Variants in CALD1 observed in about 807,000 individuals in gnomAD.
CALD1 encodes the protein caldesmon.
A neutral mutation model predicts 99.9 loss-of-function variants in CALD1; 33 were observed. The ratio of observed to expected loss-of-function variants is 0.33; its 90% CI spans 0.25 to 0.44. The LOEUF (loss-of-function observed/expected upper bound fraction) is 0.44. Among genes scored for constraint, CALD1 ranks in the 20% least tolerant of loss-of-function variants. The pLI is 1.00. For missense variants in CALD1, 861 were observed against 962.1 expected (o/e 0.89, Z 1.39); for synonymous variants, 310 against 325.0 (o/e 0.95, Z 0.50).
rs771043339 is a variant in CALD1 at position 134,969,551 on chromosome 7, T to C, written c.*1206T>C. 1.3e-5 allele frequency: 2 copies of C among 152,240 alleles called. No individual in the cohort carries two copies. Among genetic ancestry groups the C allele is most frequent in the African/African-American group, 2.4e-5 (1 of 41,456 alleles). 9.4% of individuals were successfully genotyped at this position (152,240 alleles called of 1,614,324 possible). ...GGCTAAATGTCTAGAAGCAGAGAAGTAAAGTGAGCAAAATCCAGTGTTGAG... is the reference window on the plus strand; with the variant it reads ...GGCTAAATGTCTAGAAGCAGAGAAGCAAAGTGAGCAAAATCCAGTGTTGAG... On this transcript the variant is annotated 3_prime_UTR_variant, in exon 15 of 15. Coordinates refer to ENST00000361675, the MANE Select transcript of CALD1 (RefSeq NM_033138.4).
intron 1 of CALD1, among the ~76,000 whole-genome samples, chr7:134,747,030 A>ACT (rs1297983847): frequency 1.1e-5 from 1 of 87,054 alleles, no homozygotes; most frequent in Non-Finnish European, 2.3e-5. Flanking sequence ...ATTTTAGAAG[A>ACT]CTTAGTCTAT....
intron 1 of CALD1, among the ~76,000 whole-genome samples, chr7:134,834,812 C>T (rs559120338): frequency 6.6e-6 from 1 of 152,332 alleles, no homozygotes; most frequent in South Asian, 2.1e-4. Flanking sequence ...ACATTCCAGA[C>T]ATTTCAGTGC....
intron 1 of CALD1, among the ~76,000 whole-genome samples, chr7:134,756,088 A>C (rs551710805): frequency 6.6e-6 from 1 of 151,920 alleles, no homozygotes; most frequent in Admixed American, 6.6e-5. Flanking sequence ...ACAGGGTTTC[A>C]CTATGTTGGC....
chr7:134,722,103 G>A, the CALD1 span, among the ~76,000 whole-genome samples: 2 of 152,102 alleles, frequency 1.3e-5, no homozygotes, highest in African/African-American at 2.4e-5. Flanking sequence ...ATCCTAACAC[G>A]TGGAAGTCTT....
intron 9 of CALD1, among the ~76,000 whole-genome samples, chr7:134,954,272 T>C (rs1399468706): frequency 2.0e-5 from 3 of 152,214 alleles, no homozygotes; most frequent in Non-Finnish European, 4.4e-5. Flanking sequence ...GTAAATTAAA[T>C]TCAAAGATTT....
intron 1 of CALD1, among the ~76,000 whole-genome samples, chr7:134,747,334 T>C (rs1021869752): frequency 1.2e-4 from 19 of 152,192 alleles, no homozygotes; most frequent in African/African-American, 3.9e-4. Context: ...AAGATGCACA[T>C]GGAGCCAGGA....
intron 9 of CALD1, among the ~76,000 whole-genome samples, chr7:134,957,460 C>T (rs996184862): frequency 1.3e-5 from 2 of 152,124 alleles, no homozygotes; most frequent in Admixed American, 1.3e-4. Context: ...CACTCTGTCA[C>T]CCAGGCTGGA....
At chr7:134,935,843 A>T in intron 6 of CALD1, 78 bp downstream of exon 6, 1 of 1,420,132 alleles carries the variant, frequency 7.0e-7, no homozygotes, top group Non-Finnish European at 9.5e-7. Context: ...AGGTCTGATG[A>T]TCTCAAAATT....
chr7:134,796,408 A>C (rs947740826), intron 1 of CALD1, among the ~76,000 whole-genome samples: 1 of 152,170 alleles, frequency 6.6e-6, no homozygotes, highest in East Asian at 1.9e-4. Flanking sequence ...TTGAAATATG[A>C]AGACTTTTCC....
intron 1 of CALD1, among the ~76,000 whole-genome samples, chr7:134,773,542 G>A (rs1796893794): frequency 6.6e-6 from 1 of 151,996 alleles, no homozygotes; most frequent in African/African-American, 2.4e-5. Flanking sequence ...TGGGATTACA[G>A]GCATGAACCA....
chr7:134,857,798 T>C (rs1449278965), intron 2 of CALD1, among the ~76,000 whole-genome samples: 2 of 152,148 alleles, frequency 1.3e-5, no homozygotes, highest in Non-Finnish European at 2.9e-5. Flanking sequence ...TAAACACACT[T>C]GATGATCATG....
chr7:134,808,824 C>A (rs764396754), intron 1 of CALD1, among the ~76,000 whole-genome samples: 1 of 152,158 alleles, frequency 6.6e-6, no homozygotes, highest in Admixed American at 6.6e-5. Flanking sequence ...CATATGCTAA[C>A]AGTTCCTAGG....
rs771083508 is a variant in CALD1 at position 134,947,493 on chromosome 7, G to GC, written c.1533-9dup. The GC allele has an allele frequency of 2.6e-6, 4 of 1,563,948 alleles. No individual in the cohort carries two copies. The highest frequency in any genetic ancestry group is 1.7e-6 in the Non-Finnish European group (2 of 1,154,018). On this transcript the variant is annotated splice_polypyrimidine_tract_variant and intron_variant, in intron 7 of 14. Transcript: ENST00000361675. ...AAAAGCATGTAAACCCCTTTCCATTGCCCCCCAACCACAGCCGCCCTGGAG... is the reference window on the plus strand; with the variant it reads ...AAAAGCATGTAAACCCCTTTCCATTGCCCCCCCAACCACAGCCGCCCTGGAG...
chr7:134,906,131 T>G (rs935500505), intron 3 of CALD1, among the ~76,000 whole-genome samples: 1 of 151,596 alleles, frequency 6.6e-6, no homozygotes, highest in Non-Finnish European at 1.5e-5. Context: ...GGTTTCACAA[T>G]GTTGGCCAGG....
chr7:134,909,586 G>C (rs1803646361), intron 3 of CALD1, among the ~76,000 whole-genome samples: 1 of 152,206 alleles, frequency 6.6e-6, no homozygotes, highest in Non-Finnish European at 1.5e-5. Flanking sequence ...GGGAGGCTGA[G>C]GCAGGAGAAT....
intron 1 of CALD1, among the ~76,000 whole-genome samples, chr7:134,796,157 C>T (rs1563007403): frequency 6.6e-6 from 1 of 152,122 alleles, no homozygotes; most frequent in Non-Finnish European, 1.5e-5. Context: ...TGTAGGAGCC[C>T]TAGACTCCAG....
At chr7:134,765,208 T>G (rs10253403) in intron 1 of CALD1, among the ~76,000 whole-genome samples, 76,987 of 151,392 alleles carry the variant, frequency 0.51, 20,474 homozygotes, top group East Asian at 0.75. Flanking sequence ...CCAGTTACTC[T>G]GGAGGCTGAA....
chr7:134,954,240 T>C (rs1390407693), intron 9 of CALD1, among the ~76,000 whole-genome samples: 1 of 152,248 alleles, frequency 6.6e-6, no homozygotes, highest in East Asian at 1.9e-4. Context: ...GATTTTCATA[T>C]GCAATAAAGA....
At chr7:134,791,840 A>T (rs1369265991) in intron 1 of CALD1, among the ~76,000 whole-genome samples, 4 of 152,198 alleles carry the variant, frequency 2.6e-5, no homozygotes, top group Non-Finnish European at 5.9e-5. Context: ...GAGGCCTCAC[A>T]ATCATGGCGG....
Sources: gnomAD v4.1 joint callset for allele counts (sites outside exome capture counted in the v4.1 genomes callset) on GRCh38, gnomAD v4.1.1 for gene constraint, MANE v1.5 for transcripts, NCBI Gene and HGNC (gene_info 2026-07-23, HGNC 2026-07-21) for gene names.